The following RNF144B variants were observed in gnomAD, a reference collection of about 807,000 sequenced individuals.
The protein encoded by RNF144B is E3 ubiquitin-protein ligase RNF144B.
In RNF144B, 25 loss-of-function variants were observed where a neutral mutation model predicts 40.2. The observed-to-expected ratio is 0.62, with a 90% CI of 0.45 to 0.87. RNF144B has a LOEUF of 0.87. Ranked by LOEUF, RNF144B falls within the 40% of genes least tolerant of loss-of-function variation. The probability of loss-of-function intolerance (pLI) is 0.00; values close to 1 mark genes in which losing one functional copy is unlikely to be tolerated. For missense variants in RNF144B, 365 were observed against 373.7 expected (o/e 0.98, Z 0.19); for synonymous variants, 145 against 136.3 (o/e 1.06, Z -0.44).
chr6:18,411,658 C>T (rs576364359), intron 2 of RNF144B, among the ~76,000 whole-genome samples: 41 of 151,228 alleles, frequency 2.7e-4, no homozygotes, highest in South Asian at 1.7e-3. Context: ...CATGCGCCAC[C>T]GCACCCAACT....
chr6:18,437,444 AAAAC>A (rs1758849149), intron 3 of RNF144B, among the ~76,000 whole-genome samples: 1 of 152,170 alleles, frequency 6.6e-6, no homozygotes, highest in Admixed American at 6.5e-5. Context: ...ATCTCTTAAA[AAAAC>A]AGTAATACAA....
chr6:18,411,478 TA>T (rs1562044271), intron 2 of RNF144B, among the ~76,000 whole-genome samples: 116 of 42,272 alleles, frequency 2.7e-3, no homozygotes, highest in Non-Finnish European at 3.8e-3. Context: ...TATATATATA[TA>T]TATATATATA....
rs1758987936 is a variant in RNF144B, at chr6:18,442,561, A to C, written c.331+2817A>C. On this transcript the variant is annotated intron_variant, in intron 4 of 7. Transcript: ENST00000259939. The surrounding 1 kb of genome is among the most constrained non-coding windows in gnomAD (Gnocchi z 4.3). ...CTTTTTGTTATTAAACATATACCTAACATAAAAGTTGCCATTTAAACCATT... is the reference window on the plus strand; with the variant it reads ...CTTTTTGTTATTAAACATATACCTACCATAAAAGTTGCCATTTAAACCATT... Among the ~76,000 whole-genome samples the C allele has an allele frequency of 6.6e-6, 1 of 152,206 alleles. No homozygotes were observed. The highest frequency in any genetic ancestry group is 6.5e-5 in the Admixed American group (1 of 15,276).
intron 1 of RNF144B, among the ~76,000 whole-genome samples, chr6:18,388,838 C>T (rs1794522676): frequency 6.6e-6 from 1 of 150,858 alleles, no homozygotes; most frequent in African/African-American, 2.4e-5. Flanking sequence ...TGGGCATAAA[C>T]TTAGAAAAGT....
At chr6:18,415,636 C>A (rs939004759) in intron 2 of RNF144B, among the ~76,000 whole-genome samples, 3 of 152,114 alleles carry the variant, frequency 2.0e-5, no homozygotes, top group Non-Finnish European at 4.4e-5. Context: ...TAACTTTTTG[C>A]TTGCTTTATC....
In RNF144B at chr6:18,450,886, C is replaced by T. The variant is rs942738946; in HGVS notation, c.332-6269C>T. 4.3e-4 allele frequency among the ~76,000 whole-genome samples: 66 copies of T among 152,250 alleles called. No individual in the cohort carries two copies. Among genetic ancestry groups the T allele is most frequent in the African/African-American group, 1.5e-3 (61 of 41,540 alleles). Reference sequence around the variant, plus strand: ...GATCTGTTGATATGGTGCTTTATCTCTTTGTAATCTAATGTCATTGTGTTT... The same window carrying T: ...GATCTGTTGATATGGTGCTTTATCTTTTTGTAATCTAATGTCATTGTGTTT... On this transcript the variant is annotated intron_variant, in intron 4 of 7. Transcript: ENST00000259939. This position sits in a 1 kb window ranked among gnomAD's most constrained non-coding sequence, Gnocchi z 4.7.
rs1759092989 is a variant in RNF144B, at chr6:18,446,841, GT to G, written c.331+7098del. On this transcript the variant is annotated intron_variant, in intron 4 of 7. Coordinates refer to ENST00000259939, the MANE Select transcript of RNF144B (RefSeq NM_182757.4). The surrounding 1 kb of genome is among the most constrained non-coding windows in gnomAD (Gnocchi z 4.7). ...AAAGTTTTATTGGTTCTATTTTAGG[GT>G]GTGTGTGTGTGTGTGTGTGTGTGTG... Among the ~76,000 whole-genome samples the G allele has an allele frequency of 2.2e-4, 3 of 13,638 alleles. No individual in the cohort carries two copies. Among genetic ancestry groups the G allele is most frequent in the East Asian group, 6.2e-3 (1 of 162 alleles). The allele number at this position is 13,638 out of a possible 152,430, so 8.9% of individuals were successfully genotyped here.
chr6:18,393,097 G>A lies in RNF144B; in HGVS notation c.-37+5467G>A, dbSNP rs188335646. On this transcript the variant is annotated intron_variant, in intron 1 of 7. Coordinates refer to ENST00000259939, the MANE Select transcript of RNF144B (RefSeq NM_182757.4). ...GATCGCGCCACTGCACTCCAGCCTG[G>A]AGACAGAGTGAGACTCCATCTCAAA... Among the ~76,000 whole-genome samples the A allele has an allele frequency of 3.9e-3, 577 of 148,034 alleles. 11 individuals are homozygous for A. The highest frequency in any genetic ancestry group is 0.036 in the Admixed American group (537 of 14,792).
intron 4 of RNF144B, among the ~76,000 whole-genome samples, chr6:18,440,891 C>CAA (rs139900981): frequency 0.058 from 8,289 of 142,520 alleles, 295 homozygotes; most frequent in East Asian, 0.16. Context: ...CTAAATATAC[C>CAA]AAAAAAAAAA....
rs1384424632 is a variant in RNF144B, at chr6:18,459,580, G to A, written c.537-27G>A. 6.2e-7 allele frequency: 1 copy of A among 1,608,340 alleles called. No homozygotes were observed. The highest frequency in any genetic ancestry group is 1.1e-5 in the South Asian group (1 of 90,830). ...TTCAACTGATGACCATCAGCTGAAT[G>A]CCATTTCTCATCCATTTTGTTTCTA... On this transcript the variant is annotated intron_variant, in intron 5 of 7. Coordinates refer to ENST00000259939, the MANE Select transcript of RNF144B (RefSeq NM_182757.4). This position sits in a 1 kb window ranked among gnomAD's most constrained non-coding sequence, Gnocchi z 4.2.
intron 4 of RNF144B, among the ~76,000 whole-genome samples, chr6:18,440,361 A>G (rs1183205510): frequency 6.6e-6 from 1 of 152,074 alleles, no homozygotes; most frequent in Non-Finnish European, 1.5e-5. Context: ...CTCTTGTCAT[A>G]CCCTAATCTA....
In RNF144B at chr6:18,399,554, T is replaced by A; in HGVS notation, c.20T>A (p.Leu7His). ...AGGCTGATGGGCTCAGCTGGTAGGC[T>A]CCACTATCTCGCCATGACTGCTGAA... MGSAGR[L>H]HYLAMTAENP... The change falls in exon 2 of 8, where the codon CTC (leucine) becomes CAC (histidine). Residue 7 changes from leucine to histidine, a missense_variant. Leu to His is a moderately conservative substitution (Grantham distance 99). Coordinates refer to ENST00000259939, the MANE Select transcript of RNF144B (RefSeq NM_182757.4). The A allele has an allele frequency of 6.2e-7, 1 of 1,614,116 alleles. No individual in the cohort carries two copies. The highest frequency in any genetic ancestry group is 8.5e-7 in the Non-Finnish European group (1 of 1,180,000).
chr6:18,431,670 G>A (rs932914075), intron 3 of RNF144B, among the ~76,000 whole-genome samples: 1 of 152,128 alleles, frequency 6.6e-6, no homozygotes, highest in Non-Finnish European at 1.5e-5. Flanking sequence ...ATTAAGCCTG[G>A]TTCTCTTTGT....
intron 3 of RNF144B, among the ~76,000 whole-genome samples, chr6:18,436,043 C>T (rs962494043): frequency 2.6e-5 from 4 of 151,208 alleles, no homozygotes; most frequent in African/African-American, 7.3e-5. Context: ...ATAAAACCCA[C>T]CTCAAATCAC....
intron 3 of RNF144B, among the ~76,000 whole-genome samples, chr6:18,430,636 A>T (rs1056987364): frequency 6.7e-6 from 1 of 148,166 alleles, no homozygotes; most frequent in Non-Finnish European, 1.5e-5. Flanking sequence ...GATGTGCACC[A>T]CCATGCCTGG....
At chr6:18,389,695 CTG>C (rs1351904533) in intron 1 of RNF144B, among the ~76,000 whole-genome samples, 4 of 152,124 alleles carry the variant, frequency 2.6e-5, no homozygotes, top group African/African-American at 9.7e-5. Flanking sequence ...GGAACAAAGT[CTG>C]AGCAGTTTTG....
Position 18,443,613 on chromosome 6 carries a change from C to A in RNF144B, c.331+3869C>A, listed in dbSNP as rs1759014588. 6.6e-6 allele frequency among the ~76,000 whole-genome samples: 1 copy of A among 151,596 alleles called. No individual in the cohort carries two copies. The highest frequency in any genetic ancestry group is 2.1e-4 in the South Asian group (1 of 4,786). On this transcript the variant is annotated intron_variant, in intron 4 of 7. Transcript: ENST00000259939. The surrounding 1 kb of genome is among the most constrained non-coding windows in gnomAD (Gnocchi z 4.7). ...TAATCGTGTAATTCTTCATTACCATCCGTTATAATTATTATTGGAAAATGG... is the reference window on the plus strand; with the variant it reads ...TAATCGTGTAATTCTTCATTACCATACGTTATAATTATTATTGGAAAATGG...
chr6:18,400,180 G>A lies in RNF144B; in HGVS notation c.165+481G>A, dbSNP rs1326163027. ...CCCAGCTACTCGGGAGGCGGAGGCAGGAGAATGGCGTGAACCTGGGAGGCA... is the reference window on the plus strand; with the variant it reads ...CCCAGCTACTCGGGAGGCGGAGGCAAGAGAATGGCGTGAACCTGGGAGGCA... On this transcript the variant is annotated intron_variant, in intron 2 of 7. Transcript: ENST00000259939. The surrounding 1 kb of genome is among the most constrained non-coding windows in gnomAD (Gnocchi z 5.6). Among the ~76,000 whole-genome samples, 1 of 151,912 alleles carries A rather than the reference G, an allele frequency of 6.6e-6. No homozygotes were observed. Among genetic ancestry groups the A allele is most frequent in the Non-Finnish European group, 1.5e-5 (1 of 68,004 alleles).
chr6:18,432,425 A>C (rs535342749), intron 3 of RNF144B, among the ~76,000 whole-genome samples: 1 of 152,212 alleles, frequency 6.6e-6, no homozygotes, highest in South Asian at 2.1e-4. Flanking sequence ...ACTTTCCTCT[A>C]TTGCATCATC....
Sources: gnomAD v4.1 joint callset for allele counts (sites outside exome capture counted in the v4.1 genomes callset) on GRCh38, gnomAD v4.1.1 for gene constraint, Gnocchi (gnomAD v3.1) non-coding constraint, MANE v1.5 for transcripts, NCBI Gene and HGNC (gene_info 2026-07-23, HGNC 2026-07-21) for gene names.